Variants in GPR158 observed in about 807,000 individuals in gnomAD.
GPR158 encodes the protein G protein-coupled receptor 158, also known as metabotropic glycine receptor.
Under a neutral mutation model 78.2 loss-of-function variants are expected in GPR158, and 30 were observed. That is an observed-to-expected ratio of 0.38 (90% CI 0.29 to 0.52). GPR158 has a LOEUF of 0.52. Ranked by LOEUF, GPR158 falls within the 20% of genes least tolerant of loss-of-function variation. GPR158 has a pLI of 0.83. For synonymous variants in GPR158, 581 were observed against 591.1 expected (o/e 0.98, Z 0.25); for missense variants, 1,463 against 1,523.5 (o/e 0.96, Z 0.66).
Position 25,599,273 on chromosome 10 carries a change from A to G in GPR158, c.3647A>G (p.Ter1216TrpextTer16). 1.2e-6 allele frequency: 2 copies of G among 1,600,074 alleles called. No homozygotes were observed. The highest frequency in any genetic ancestry group is 4.5e-5 in the East Asian group (2 of 44,712). ...KEEIWDSFKV[*>W] ...GAGATCTGGGATAGTTTTAAAGTGT[A>G]GCATCTCCAGGAAGAAGAGGAAAAG... The change falls in exon 11 of 11, where the codon TAG becomes TGG. Residue 1216 changes from the stop codon to tryptophan, a stop_lost. Transcript: ENST00000376351.
chr10:25,249,081 T>C (rs1236034845), intron 2 of GPR158, among the ~76,000 whole-genome samples: 2 of 151,968 alleles, frequency 1.3e-5, no homozygotes, highest in Non-Finnish European at 2.9e-5. Context: ...GAAGCAATTG[T>C]GAATGGGAGT....
chr10:25,238,998 A>T (rs1369047150), intron 2 of GPR158, among the ~76,000 whole-genome samples: 1 of 152,172 alleles, frequency 6.6e-6, no homozygotes, highest in African/African-American at 2.4e-5. Flanking sequence ...ATACATTATA[A>T]TTCAGAACTG....
intron 2 of GPR158, among the ~76,000 whole-genome samples, chr10:25,338,884 C>T (rs1421895609): frequency 2.6e-5 from 4 of 151,594 alleles, no homozygotes; most frequent in African/African-American, 9.7e-5. Flanking sequence ...AACATGAAGT[C>T]TCCTAAGCCA....
At chr10:25,419,143 A>T (rs1026200552) in intron 4 of GPR158, among the ~76,000 whole-genome samples, 2 of 152,098 alleles carry the variant, frequency 1.3e-5, no homozygotes, top group Admixed American at 6.5e-5. Context: ...TCTACCCATT[A>T]TACAATAACA....
chr10:25,344,365 A>C (rs186612561), intron 2 of GPR158, among the ~76,000 whole-genome samples: 1 of 151,854 alleles, frequency 6.6e-6, no homozygotes, highest in African/African-American at 2.4e-5. Flanking sequence ...GCTAATTAGC[A>C]TATATATTAC....
chr10:25,229,224 C>A (rs1588746286), intron 2 of GPR158, among the ~76,000 whole-genome samples: 1 of 151,996 alleles, frequency 6.6e-6, no homozygotes, highest in Non-Finnish European at 1.5e-5. Flanking sequence ...ATTTGAAGAA[C>A]CTTGAGCATA....
rs182545229 is a variant in GPR158, at chr10:25,398,358, C to T, written c.1111+2345C>T. On this transcript the variant is annotated intron_variant, in intron 3 of 10. Coordinates refer to ENST00000376351, the MANE Select transcript of GPR158 (RefSeq NM_020752.3). ...TTGGTGTGTGTGTGCCAGACCATGGCGACACCGGAGCTACTCTGGCATTTT... is the reference window on the plus strand; with the variant it reads ...TTGGTGTGTGTGTGCCAGACCATGGTGACACCGGAGCTACTCTGGCATTTT... Among the ~76,000 whole-genome samples, 17 of 152,090 alleles carry T rather than the reference C, an allele frequency of 1.1e-4. 1 individual carries two copies. Among genetic ancestry groups the T allele is most frequent in the South Asian group, 1.0e-3 (5 of 4,814 alleles).
At chr10:25,401,200 G>A (rs566127814) in intron 3 of GPR158, among the ~76,000 whole-genome samples, 23 of 152,186 alleles carry the variant, frequency 1.5e-4, no homozygotes, top group African/African-American at 3.4e-4. Context: ...AGACGGAATA[G>A]ATTAAAAGAG....
intron 2 of GPR158, among the ~76,000 whole-genome samples, chr10:25,380,982 C>T (rs938485112): frequency 6.6e-6 from 1 of 151,988 alleles, no homozygotes; most frequent in African/African-American, 2.4e-5. Flanking sequence ...AACATTTGCA[C>T]AAAAGTTATA....
chr10:25,471,597 A>G (rs1459891742), intron 5 of GPR158, among the ~76,000 whole-genome samples: 1 of 152,042 alleles, frequency 6.6e-6, no homozygotes, highest in Admixed American at 6.6e-5. Flanking sequence ...AAGTGTTCCT[A>G]TTTCTCCATA....
chr10:25,187,366 C>T (rs1216262282), intron 1 of GPR158, among the ~76,000 whole-genome samples: 3 of 152,044 alleles, frequency 2.0e-5, no homozygotes, highest in Non-Finnish European at 1.5e-5. Context: ...TGATGAACAT[C>T]GATGCAAAAA....
chr10:25,405,675 A>C (rs1240703627), intron 3 of GPR158, among the ~76,000 whole-genome samples: 1 of 151,852 alleles, frequency 6.6e-6, no homozygotes, highest in Non-Finnish European at 1.5e-5. Context: ...AACAAAACAA[A>C]GAGTGACATA....
At chr10:25,342,049 T>C (rs1412361903) in intron 2 of GPR158, among the ~76,000 whole-genome samples, 1 of 151,956 alleles carries the variant, frequency 6.6e-6, no homozygotes, top group Non-Finnish European at 1.5e-5. Context: ...AAATATACTA[T>C]ACCTTCATAT....
chr10:25,446,880 G>A (rs1417408192), intron 4 of GPR158, among the ~76,000 whole-genome samples: 1 of 152,100 alleles, frequency 6.6e-6, no homozygotes, highest in East Asian at 1.9e-4. Flanking sequence ...TTTTAAATCG[G>A]CAGATAAGAT....
At chr10:25,309,302 G>A (rs566235835) in intron 2 of GPR158, among the ~76,000 whole-genome samples, 4 of 152,002 alleles carry the variant, frequency 2.6e-5, no homozygotes, top group Admixed American at 1.3e-4. Flanking sequence ...TTTCCTAATG[G>A]TTAGTGATAC....
chr10:25,382,375 A>C (rs1254897510), intron 2 of GPR158, among the ~76,000 whole-genome samples: 2 of 152,224 alleles, frequency 1.3e-5, no homozygotes, highest in African/African-American at 2.4e-5. Flanking sequence ...GTTTTGTGAG[A>C]GCTGGCTCCA....
At chr10:25,288,486 A>G (rs946442879) in intron 2 of GPR158, among the ~76,000 whole-genome samples, 1 of 152,198 alleles carries the variant, frequency 6.6e-6, no homozygotes, top group Non-Finnish European at 1.5e-5. Context: ...TCGATTACAA[A>G]TGGGAGTTCA....
chr10:25,571,096 AGTGTTAGCGTTCGC>A, intron 6 of GPR158, among the ~76,000 whole-genome samples: 1 of 89,998 alleles, frequency 1.1e-5, no homozygotes, highest in South Asian at 4.2e-4. Flanking sequence ...ATTACCTGCC[AGTGTTAGCGTTCGC>A]CAGTGTTAGC....
chr10:25,278,228 G>A (rs942217590), intron 2 of GPR158, among the ~76,000 whole-genome samples: 2 of 152,068 alleles, frequency 1.3e-5, no homozygotes, highest in African/African-American at 2.4e-5. Context: ...AGCAGTAAGT[G>A]AGACATTGTC....
Sources: allele counts gnomAD v4.1 joint callset (sites outside exome capture counted in the v4.1 genomes callset), GRCh38; gene constraint gnomAD v4.1.1; transcripts MANE v1.5; gene names NCBI Gene and HGNC (gene_info 2026-07-23, HGNC 2026-07-21).